The following UTRN variants were observed in gnomAD, a reference collection of about 807,000 sequenced individuals.
The protein encoded by UTRN is dystrophin-related protein 1.
A neutral mutation model predicts 463.9 loss-of-function variants in UTRN; 283 were observed. That is an observed-to-expected ratio of 0.61 (90% CI 0.55 to 0.67). The LOEUF (loss-of-function observed/expected upper bound fraction) is 0.67, where lower values mean the gene tolerates loss of function less well. Among genes scored for constraint, UTRN ranks in the 30% least tolerant of loss-of-function variants. The pLI, the probability that UTRN is intolerant of heterozygous loss-of-function variation, is 0.00. For missense variants in UTRN, 3,922 were observed against 4,084.3 expected (o/e 0.96, Z 1.08); for synonymous variants, 1,442 against 1,431.5 (o/e 1.01, Z -0.17).
At chr6:144,373,696 A>T (rs1186957635) in intron 2 of UTRN, among the ~76,000 whole-genome samples, 1 of 152,230 alleles carries the variant, frequency 6.6e-6, no homozygotes, top group East Asian at 1.9e-4. Flanking sequence ...AATGACAAAA[A>T]ATAGGATAAT....
At chr6:144,471,638 T>G (rs2128567957) in intron 23 of UTRN, among the ~76,000 whole-genome samples, 1 of 152,318 alleles carries the variant, frequency 6.6e-6, no homozygotes, top group African/African-American at 2.4e-5. Flanking sequence ...TGCTAAGACC[T>G]TGAAATGCTG....
intron 46 of UTRN, among the ~76,000 whole-genome samples, chr6:144,543,995 A>C (rs1252167258): frequency 6.6e-6 from 1 of 152,156 alleles, no homozygotes; most frequent in Non-Finnish European, 1.5e-5. Flanking sequence ...CAACTCCATA[A>C]TCATAGGGAA....
intron 52 of UTRN, among the ~76,000 whole-genome samples, chr6:144,685,427 T>C (rs1313762155): frequency 6.6e-6 from 1 of 152,208 alleles, no homozygotes; most frequent in Non-Finnish European, 1.5e-5. Flanking sequence ...ATAGTGGATG[T>C]ACTTTTAGTT....
intron 62 of UTRN, among the ~76,000 whole-genome samples, chr6:144,790,228 G>A (rs540772202): frequency 6.6e-6 from 1 of 152,186 alleles, no homozygotes; most frequent in Non-Finnish European, 1.5e-5. Context: ...ATTTATTTTT[G>A]TCCATAAAAT....
chr6:144,537,691 T>C lies in UTRN; in HGVS notation c.6343T>C (p.Leu2115=), dbSNP rs757580681. The C allele has an allele frequency of 1.2e-5, 19 of 1,610,838 alleles. No homozygotes were observed. Among genetic ancestry groups the C allele is most frequent in the East Asian group, 2.2e-5 (1 of 44,490 alleles). The change falls in exon 44 of 75, where the codon TTG becomes CTG. Residue 2115 remains leucine (L), a synonymous_variant. Coordinates refer to ENST00000367545, the MANE Select transcript of UTRN (RefSeq NM_007124.3). ...TATGCAAAAGAGATCAACCACCGAA[T>C]TGGGAGAAAACCTGCAAGAATTAAG... ...HAMQKRSTTE[L]GENLQELRDL...
chr6:144,559,244 A>G (rs560386163), intron 50 of UTRN, among the ~76,000 whole-genome samples: 11 of 152,244 alleles, frequency 7.2e-5, no homozygotes, highest in East Asian at 5.8e-4. Flanking sequence ...GACAATTACA[A>G]TGTTCCAGTT....
chr6:144,379,496 C>T (rs187487503), intron 2 of UTRN, among the ~76,000 whole-genome samples: 5 of 152,304 alleles, frequency 3.3e-5, no homozygotes, highest in African/African-American at 7.2e-5. Context: ...CCACGTGGGC[C>T]TCTCTCTAGG....
At chr6:144,338,839 T>G (rs1340298187) in intron 2 of UTRN, among the ~76,000 whole-genome samples, 4 of 152,154 alleles carry the variant, frequency 2.6e-5, no homozygotes, top group Admixed American at 6.5e-5. Flanking sequence ...AGAAGGTGTT[T>G]TATTTGTAGT....
chr6:144,610,680 G>C (rs1223417264), intron 51 of UTRN, among the ~76,000 whole-genome samples: 1 of 152,142 alleles, frequency 6.6e-6, no homozygotes, highest in Non-Finnish European at 1.5e-5. Context: ...TTTGAGACCA[G>C]CCTGGCCAAC....
intron 3 of UTRN, among the ~76,000 whole-genome samples, chr6:144,412,161 G>C (rs1783952691): frequency 6.6e-6 from 1 of 152,002 alleles, no homozygotes; most frequent in African/African-American, 2.4e-5. Context: ...TTATCATTTT[G>C]CTTAATCTTG....
At chr6:144,753,860 C>A (rs1023561086) in intron 56 of UTRN, among the ~76,000 whole-genome samples, 4 of 152,054 alleles carry the variant, frequency 2.6e-5, no homozygotes, top group Admixed American at 1.3e-4. Context: ...GAGTGAGACT[C>A]TGTCTTTACA....
At chr6:144,701,468 C>T (rs768230774) in intron 53 of UTRN, among the ~76,000 whole-genome samples, 1 of 152,202 alleles carries the variant, frequency 6.6e-6, no homozygotes, top group Non-Finnish European at 1.5e-5. Flanking sequence ...TTACTCTGAT[C>T]AGCCAAAAGA....
intron 45 of UTRN, among the ~76,000 whole-genome samples, chr6:144,540,289 C>T (rs781722043): frequency 6.6e-6 from 1 of 152,002 alleles, no homozygotes; most frequent in Non-Finnish European, 1.5e-5. Flanking sequence ...TGACCTGGTA[C>T]ACACCATTTC....
intron 51 of UTRN, among the ~76,000 whole-genome samples, chr6:144,618,890 T>C (rs1775056428): frequency 6.6e-6 from 1 of 152,122 alleles, no homozygotes. Context: ...TAAAATGATA[T>C]ATTTAGGTAT....
At chr6:144,464,701 T>C (rs1789755494) in intron 23 of UTRN, among the ~76,000 whole-genome samples, 1 of 152,068 alleles carries the variant, frequency 6.6e-6, no homozygotes, top group Non-Finnish European at 1.5e-5. Context: ...GGTTTTACCA[T>C]GTTGGCCAGG....
intron 66 of UTRN, among the ~76,000 whole-genome samples, chr6:144,824,421 C>T (rs1193902452): frequency 1.7e-4 from 8 of 47,862 alleles, no homozygotes; most frequent in East Asian, 5.8e-3. Context: ...TATATATATA[C>T]ACACACACAC....
intron 53 of UTRN, among the ~76,000 whole-genome samples, chr6:144,718,453 C>A (rs1400877554): frequency 6.6e-6 from 1 of 152,162 alleles, no homozygotes; most frequent in Non-Finnish European, 1.5e-5. Context: ...CAGAGTGAGA[C>A]CCTGTCTCTT....
At chr6:144,529,376 G>A (rs560616101) in intron 41 of UTRN, among the ~76,000 whole-genome samples, 25 of 152,130 alleles carry the variant, frequency 1.6e-4, no homozygotes, top group Non-Finnish European at 2.9e-4. Flanking sequence ...ATGTTCCTGC[G>A]GTAGTTCTTG....
chr6:144,542,728 TC>T, intron 45 of UTRN, 66 bp from the exon 46 acceptor site: 1 of 1,512,998 alleles, frequency 6.6e-7, no homozygotes, highest in Non-Finnish European at 9.0e-7. Flanking sequence ...TAACACCTCT[TC>T]TTTTGAACTA....
Sources: allele counts gnomAD v4.1 joint callset (sites outside exome capture counted in the v4.1 genomes callset), GRCh38; gene constraint gnomAD v4.1.1; transcripts MANE v1.5; gene names NCBI Gene and HGNC (gene_info 2026-07-23, HGNC 2026-07-21).